Variants in PHF3 observed in about 807,000 individuals in gnomAD.
PHF3 encodes the protein PHD finger protein 3.
In PHF3, 41 loss-of-function variants were observed where a neutral mutation model predicts 178.4. That is an observed-to-expected ratio of 0.23 (90% confidence interval 0.18 to 0.30). The LOEUF (loss-of-function observed/expected upper bound fraction) is 0.30. PHF3 is among the 10% of genes least tolerant of loss of function. The pLI, the probability that PHF3 is intolerant of heterozygous loss-of-function variation, is 1.00. For missense variants in PHF3, 2,346 were observed against 2,398.1 expected, an observed-to-expected ratio of 0.98 and a Z score of 0.45; for synonymous variants, 842 against 800.5, an observed-to-expected ratio of 1.05 and a Z score of -0.88.
In PHF3 at chr6:63,684,656, A is replaced by C; in HGVS notation, c.934A>C (p.Met312Leu). The change falls in exon 4 of 16, where the codon ATG (methionine) becomes CTG (leucine). Residue 312 changes from methionine (M) to leucine (L), a missense_variant. By Grantham distance (15) the Met-to-Leu change is conservative. This residue lies in a region of PHF3 where 843 missense variants were observed against 795.2 expected (regional missense o/e 1.06). Coordinates refer to ENST00000262043, the MANE Select transcript of PHF3 (RefSeq NM_001370348.2). Reference sequence around the variant, plus strand: ...AACGGGTGAGACTGTTGTTGAAGAAATGATAGCAACAAGAAAAGTTGAACA... The same window carrying C: ...AACGGGTGAGACTGTTGTTGAAGAACTGATAGCAACAAGAAAAGTTGAACA... The part of the protein sequence containing the change: ...GKTGETVVEE[M>L]IATRKVEQDS... The C allele has an allele frequency of 6.2e-7, 1 of 1,613,894 alleles. No individual in the cohort carries two copies. The highest frequency in any genetic ancestry group is 8.5e-7 in the Non-Finnish European group (1 of 1,179,908).
chr6:63,649,671 C>A (rs1428778622), intron 2 of PHF3, among the ~76,000 whole-genome samples: 1 of 152,176 alleles, frequency 6.6e-6, no homozygotes, highest in East Asian at 1.9e-4. Flanking sequence ...CTGTTGGATA[C>A]ACAAAAGTTG....
At chr6:63,700,764 A>G (rs1767439740) in intron 9 of PHF3, among the ~76,000 whole-genome samples, 1 of 152,100 alleles carries the variant, frequency 6.6e-6, no homozygotes, top group Non-Finnish European at 1.5e-5. Flanking sequence ...TTGTATTTTT[A>G]GTAGAGGTGG....
intron 2 of PHF3, among the ~76,000 whole-genome samples, chr6:63,677,347 C>T (rs1394101257): frequency 1.3e-5 from 2 of 151,684 alleles, no homozygotes; most frequent in African/African-American, 2.4e-5. Context: ...TAGATGTCTG[C>T]AGGAAGAGAA....
Position 63,706,767 on chromosome 6 carries a change from T to C in PHF3, c.3602T>C (p.Phe1201Ser), listed in dbSNP as rs1767711617. The C allele has an allele frequency of 6.2e-7, 1 of 1,614,034 alleles. No homozygotes were observed. Among genetic ancestry groups the C allele is most frequent in the Non-Finnish European group, 8.5e-7 (1 of 1,179,928 alleles). Residue 1201 changes from phenylalanine to serine, a missense_variant, in exon 13 of 16, where the codon TTT becomes TCT. Phe to Ser is a radical substitution (Grantham distance 155). Coordinates refer to ENST00000262043, the MANE Select transcript of PHF3 (RefSeq NM_001370348.2). ...GGAACTGTTGAAGTTGAGTCTACCT[T>C]TCTGGCTCGATTGAACTTCATCTGG... is the stretch of plus-strand genomic sequence containing the variant. Reference protein sequence around the residue: ...MPGTVEVESTFLARLNFIWKG... With the variant: ...MPGTVEVESTSLARLNFIWKG...
rs771640639 is a variant in PHF3 at position 63,720,676 on chromosome 6, GA to G, written c.*6974del. 3 of 1,542,426 alleles carry G rather than the reference GA, an allele frequency of 1.9e-6. No individual in the cohort carries two copies. Among genetic ancestry groups the G allele is most frequent in the African/African-American group, 1.4e-5 (1 of 72,448 alleles). ...ATTAGTTCAATGTTTTTTGGTTCCTGAAAAAATACAACATCTTTAATTTTGC... is the reference window on the plus strand; with the variant it reads ...ATTAGTTCAATGTTTTTTGGTTCCTGAAAAATACAACATCTTTAATTTTGC... On this transcript the variant is annotated 3_prime_UTR_variant, in exon 16 of 16. Transcript: ENST00000262043.
Position 63,706,766 on chromosome 6 carries a change from T to C in PHF3, c.3601T>C (p.Phe1201Leu). 1 of 1,614,024 alleles carries C rather than the reference T, an allele frequency of 6.2e-7. No individual in the cohort carries two copies. Among genetic ancestry groups the C allele is most frequent in the Non-Finnish European group, 8.5e-7 (1 of 1,179,926 alleles). ...TGGAACTGTTGAAGTTGAGTCTACC[T>C]TTCTGGCTCGATTGAACTTCATCTG... ...MPGTVEVEST[F>L]LARLNFIWKG... The change falls in exon 13 of 16, where the codon TTT (phenylalanine) becomes CTT (leucine). Residue 1201 changes from phenylalanine to leucine, a missense_variant. By Grantham distance (22) the Phe-to-Leu change is conservative. Coordinates refer to ENST00000262043, the MANE Select transcript of PHF3 (RefSeq NM_001370348.2).
chr6:63,666,830 C>A (rs906418985), intron 2 of PHF3, among the ~76,000 whole-genome samples: 2 of 151,520 alleles, frequency 1.3e-5, no homozygotes, highest in African/African-American at 4.9e-5. Context: ...CAGCTCACTG[C>A]ACTGTCTGCC....
intron 1 of PHF3, among the ~76,000 whole-genome samples, chr6:63,645,113 G>A (rs1764730330): frequency 6.6e-6 from 1 of 151,874 alleles, no homozygotes; most frequent in Admixed American, 6.6e-5. Flanking sequence ...CCAACTCCTG[G>A]GCTCTAGTGA....
At chr6:63,665,982 A>G (rs1765664860) in intron 2 of PHF3, among the ~76,000 whole-genome samples, 1 of 152,184 alleles carries the variant, frequency 6.6e-6, no homozygotes, top group Non-Finnish European at 1.5e-5. Flanking sequence ...ACATGTATTC[A>G]TCAAGGATAC....
chr6:63,687,356 G>A (rs1766757772), intron 4 of PHF3, among the ~76,000 whole-genome samples: 1 of 152,210 alleles, frequency 6.6e-6, no homozygotes, highest in South Asian at 2.1e-4. Context: ...CCTGAGAAAT[G>A]GAGGTTGCAG....
rs1459001101 is a variant in PHF3 at position 63,713,273 on chromosome 6, G to A, written c.5685G>A (p.Arg1895=). The change falls in exon 16 of 16, where the codon AGG becomes AGA. Residue 1895 remains arginine (R), a synonymous_variant. Transcript: ENST00000262043. ...TTAAAGACATTCGGAGGCCAGAAAG[G>A]CGCCATAGTGACCCTTGGGGTAGGC... ...YQVKDIRRPE[R]RHSDPWGRQD... 1.2e-6 allele frequency: 2 copies of A among 1,614,028 alleles called. No homozygotes were observed. Among genetic ancestry groups the A allele is most frequent in the South Asian group, 2.2e-5 (2 of 91,078 alleles).
intron 2 of PHF3, among the ~76,000 whole-genome samples, chr6:63,653,265 C>T (rs1341569158): frequency 6.6e-6 from 1 of 150,398 alleles, no homozygotes; most frequent in Admixed American, 6.6e-5. Context: ...TGCATTGAAT[C>T]TATACACTGC....
At chr6:63,698,156 T>C (rs1425963193) in intron 6 of PHF3, 67 bp from the exon 7 acceptor site, 5 of 1,300,486 alleles carry the variant, frequency 3.8e-6, no homozygotes, top group Non-Finnish European at 5.4e-6. Context: ...GTTTGTAAAC[T>C]TATTCATTAA....
intron 2 of PHF3, among the ~76,000 whole-genome samples, chr6:63,672,119 G>A (rs1273233787): frequency 1.3e-5 from 2 of 152,236 alleles, no homozygotes; most frequent in African/African-American, 4.8e-5. Context: ...GGGATTGCAG[G>A]CGTGAGCCAC....
At chr6:63,690,239 T>A (rs1285808264) in intron 4 of PHF3, among the ~76,000 whole-genome samples, 1 of 152,136 alleles carries the variant, frequency 6.6e-6, no homozygotes, top group Non-Finnish European at 1.5e-5. Flanking sequence ...TATTCTATAT[T>A]ATTTTTTTAA....
Position 63,720,970 on chromosome 6 carries a change from C to T in PHF3, c.*7262C>T. ...GAGATTCTTTCTCCCAAGTTAACTG[C>T]TATTTTCAAGGTCTGATTATGGAGA... On this transcript the variant is annotated 3_prime_UTR_variant, in exon 16 of 16. Coordinates refer to ENST00000262043, the MANE Select transcript of PHF3 (RefSeq NM_001370348.2). 1 of 1,551,340 alleles carries T rather than the reference C, an allele frequency of 6.4e-7. No individual in the cohort carries two copies. The highest frequency in any genetic ancestry group is 8.7e-7 in the Non-Finnish European group (1 of 1,146,788).
chr6:63,691,271 T>C (rs1766986752), intron 4 of PHF3, among the ~76,000 whole-genome samples: 1 of 152,164 alleles, frequency 6.6e-6, no homozygotes, highest in Non-Finnish European at 1.5e-5. Context: ...TAAAACGATT[T>C]GTTGGATAAA....
chr6:63,723,878 A>G lies in PHF3; in HGVS notation c.*10170A>G, dbSNP rs1050936736. Among the ~76,000 whole-genome samples, 2 of 150,918 alleles carry G rather than the reference A, an allele frequency of 1.3e-5. No homozygotes were observed. Among genetic ancestry groups the G allele is most frequent in the Non-Finnish European group, 1.5e-5 (1 of 67,810 alleles). On this transcript the variant is annotated 3_prime_UTR_variant, in exon 16 of 16. Coordinates refer to ENST00000262043, the MANE Select transcript of PHF3 (RefSeq NM_001370348.2). ...GCTCTGTCCCCCAAGCTGGAGTGCA[A>G]TGGTGCAATCTCGGCTCACTGCAAC...
At chr6:63,661,458 G>C (rs985218886) in intron 2 of PHF3, among the ~76,000 whole-genome samples, 1 of 152,118 alleles carries the variant, frequency 6.6e-6, no homozygotes, top group African/African-American at 2.4e-5. Context: ...AACAAATTTA[G>C]TATCTAGGAA....
Sources: gnomAD v4.1 joint callset for allele counts (sites outside exome capture counted in the v4.1 genomes callset) on GRCh38, gnomAD v4.1.1 for gene constraint, gnomAD v4.1.1 regional missense constraint, MANE v1.5 for transcripts, NCBI Gene and HGNC (gene_info 2026-07-23, HGNC 2026-07-21) for gene names.